The following KLRF2 variants were observed in gnomAD, a reference collection of about 807,000 sequenced individuals.
The protein encoded by KLRF2 is killer cell lectin-like receptor subfamily F member 2.
KLRF2 carries 28 observed loss-of-function variants against 25.3 expected under a neutral mutation model. The observed-to-expected ratio is 1.11, with a 90% CI of 0.82 to 1.52. The LOEUF is 1.52. Ranked by LOEUF, KLRF2 falls within the 40% of genes most tolerant of loss-of-function variation. The pLI is 0.00. For synonymous variants in KLRF2, 73 were observed against 85.0 expected (o/e 0.86, Z 0.78); for missense variants, 265 against 245.8 (o/e 1.08, Z -0.52).
At chr12:9,891,602 A>T (rs774877430) in intron 3 of KLRF2, among the ~76,000 whole-genome samples, 1 of 152,222 alleles carries the variant, frequency 6.6e-6, no homozygotes, top group South Asian at 2.1e-4. Context: ...AGGTCATTTT[A>T]TACCTTTTAG....
chr12:9,883,494 G>A (rs1382316442), intron 1 of KLRF2, among the ~76,000 whole-genome samples: 1 of 152,080 alleles, frequency 6.6e-6, no homozygotes, highest in East Asian at 1.9e-4. Flanking sequence ...TTGGTCTATT[G>A]TTCAGTTTTT....
rs1017255057 is a variant in KLRF2 at position 9,889,339 on chromosome 12, A to G, written c.217+559A>G. Among the ~76,000 whole-genome samples, 4 of 152,322 alleles carry G rather than the reference A, an allele frequency of 2.6e-5. No individual in the cohort carries two copies. The South Asian group carries it at 8.3e-4, about 32-fold the overall frequency. ...ATACCTAGGCAGTTTGTCAAATACCAGTCTAGATGTCACTGGGAAGATATT... is the reference window on the plus strand; with the variant it reads ...ATACCTAGGCAGTTTGTCAAATACCGGTCTAGATGTCACTGGGAAGATATT... On this transcript the variant is annotated intron_variant, in intron 3 of 5. Coordinates refer to ENST00000535540, the MANE Select transcript of KLRF2 (RefSeq NM_001190765.1).
At position 9,893,123 on chromosome 12, in the gene KLRF2, A is replaced by G. The variant is rs1039390321; in HGVS notation, c.321A>G (p.Thr107=). Residue 107 remains threonine (T), a synonymous_variant, in exon 4 of 6, where the codon ACA becomes ACG. Coordinates refer to ENST00000535540, the MANE Select transcript of KLRF2 (RefSeq NM_001190765.1). ...KTWKESQRDC[T]QLQAHLLVIQ... ...GGAAAGAGAGTCAACGTGATTGTAC[A>G]CAGCTACAGGCACATTTACTGGTGA... is the stretch of plus-strand genomic sequence containing the variant. The G allele has an allele frequency of 2.0e-6, 3 of 1,535,626 alleles. No homozygotes were observed. The African/African-American group carries it at 4.1e-5, about 21-fold the overall frequency.
At chr12:9,893,224 T>A in intron 4 of KLRF2, 56 bp downstream of exon 4, 1 of 1,465,588 alleles carries the variant, frequency 6.8e-7, no homozygotes. Flanking sequence ...TAGGTGCAAG[T>A]TCACTGCCTA....
At chr12:9,892,047 C>A (rs942770493) in intron 3 of KLRF2, among the ~76,000 whole-genome samples, 4 of 152,154 alleles carry the variant, frequency 2.6e-5, no homozygotes, top group Non-Finnish European at 5.9e-5. Context: ...ACCTTCCAAT[C>A]AGGTGGAGGA....
intron 2 of KLRF2, among the ~76,000 whole-genome samples, chr12:9,886,182 T>C (rs1205575851): frequency 6.6e-6 from 1 of 152,326 alleles, no homozygotes; most frequent in East Asian, 1.9e-4. Context: ...AGCCATATTT[T>C]TTATTCTAAT....
chr12:9,890,965 GA>G (rs1862669799), intron 3 of KLRF2, among the ~76,000 whole-genome samples: 1 of 151,346 alleles, frequency 6.6e-6, no homozygotes, highest in Admixed American at 6.6e-5. Flanking sequence ...TGATTTCTTA[GA>G]ATTATAATCA....
intron 5 of KLRF2, among the ~76,000 whole-genome samples, chr12:9,894,025 T>C (rs1280102796): frequency 1.3e-5 from 2 of 152,014 alleles, no homozygotes; most frequent in Non-Finnish European, 2.9e-5. Context: ...TCTTTTTCTT[T>C]TCTTCTCTTT....
intron 2 of KLRF2, among the ~76,000 whole-genome samples, chr12:9,885,250 A>C (rs1249714824): frequency 6.6e-6 from 1 of 151,672 alleles, no homozygotes. Context: ...GGTTGACTTT[A>C]TTATCTTATA....
chr12:9,884,114 G>A (rs1246372649), intron 1 of KLRF2, among the ~76,000 whole-genome samples: 2 of 152,056 alleles, frequency 1.3e-5, no homozygotes, highest in African/African-American at 4.8e-5. Context: ...TGTGAAAAAA[G>A]TGTATACATC....
rs1343809358 is a variant in KLRF2 at position 9,893,046 on chromosome 12, T to C, written c.244T>C (p.Trp82Arg). 3.9e-6 allele frequency: 6 copies of C among 1,535,790 alleles called. No homozygotes were observed. In the Admixed American group the frequency reaches 7.8e-5, roughly 20 times the overall value. ...ACACAATTACTTGTGCCCAAATGACTGGCTGTTGAACGAAGGGAAATGTTA... is the reference window on the plus strand; with the variant it reads ...ACACAATTACTTGTGCCCAAATGACCGGCTGTTGAACGAAGGGAAATGTTA... ...SGHNYLCPND[W>R]LLNEGKCYWF... The change falls in exon 4 of 6, where the codon TGG becomes CGG. Residue 82 changes from tryptophan (W) to arginine (R), a missense_variant. Coordinates refer to ENST00000535540, the MANE Select transcript of KLRF2 (RefSeq NM_001190765.1).
intron 5 of KLRF2, 143 bp from the exon 6 acceptor site, chr12:9,895,546 T>C (rs2137006957): frequency 1.5e-6 from 1 of 666,556 alleles, no homozygotes; most frequent in Non-Finnish European, 2.4e-6. Flanking sequence ...GAGGCTGCAT[T>C]AGCAATGAAA....
At position 9,889,757 on chromosome 12, in the gene KLRF2, T is replaced by A. The variant is rs191553483; in HGVS notation, c.217+977T>A. Reference sequence around the variant, plus strand: ...GGAGAACTCCAATACGGTAATACAGTGTGGAGGCAGTATAGTGCAGTGGAT... The same window carrying A: ...GGAGAACTCCAATACGGTAATACAGAGTGGAGGCAGTATAGTGCAGTGGAT... On this transcript the variant is annotated intron_variant, in intron 3 of 5. Coordinates refer to ENST00000535540, the MANE Select transcript of KLRF2 (RefSeq NM_001190765.1). Among the ~76,000 whole-genome samples, 355 of 151,876 alleles carry A rather than the reference T, an allele frequency of 2.3e-3. 1 individual carries two copies. Among genetic ancestry groups the A allele is most frequent in the African/African-American group, 8.2e-3 (340 of 41,390 alleles).
intron 3 of KLRF2, 78 bp downstream of exon 3, chr12:9,888,858 C>T: frequency 1.2e-6 from 1 of 814,140 alleles, no homozygotes; most frequent in South Asian, 1.6e-5. Context: ...GGCGTTCACC[C>T]ATGTTACACA....
intron 2 of KLRF2, among the ~76,000 whole-genome samples, chr12:9,886,686 T>C (rs910862812): frequency 6.7e-6 from 1 of 148,670 alleles, no homozygotes; most frequent in Admixed American, 6.9e-5. Context: ...AAAGACTTTC[T>C]AAGCCATGCT....
At chr12:9,894,126 TTC>T (rs141327204) in intron 5 of KLRF2, among the ~76,000 whole-genome samples, 15,108 of 130,136 alleles carry the variant, frequency 0.12, 1,044 homozygotes, top group South Asian at 0.35. Context: ...TTTCTTTTCT[TTC>T]TCTCTCTCTC....
chr12:9,889,658 G>T (rs1434180625), intron 3 of KLRF2, among the ~76,000 whole-genome samples: 2 of 141,496 alleles, frequency 1.4e-5, no homozygotes, highest in African/African-American at 5.8e-5. Flanking sequence ...GTGTGTGTGT[G>T]TGTATATATA....
At chr12:9,892,663 C>T (rs1394000625) in intron 3 of KLRF2, among the ~76,000 whole-genome samples, 1 of 149,928 alleles carries the variant, frequency 6.7e-6, no homozygotes, top group Non-Finnish European at 1.5e-5. Context: ...CGGCTCACCG[C>T]AACCTCCACC....
At position 9,895,684 on chromosome 12, in the gene KLRF2, C is replaced by T. The variant is rs1441781084; in HGVS notation, c.480-5C>T. On this transcript the variant is annotated splice_region_variant and splice_polypyrimidine_tract_variant and intron_variant, in intron 5 of 5. Transcript: ENST00000535540. ...ATGCTGAAAAATCTGTCCTTTGTCT[C>T]TTAGGTTTTCAGTGATTGGACCAAC... The T allele has an allele frequency of 6.6e-7, 1 of 1,521,002 alleles. No homozygotes were observed. The highest frequency in any genetic ancestry group is 2.5e-5 in the East Asian group (1 of 40,298). 94.2% of individuals were successfully genotyped at this position (1,521,002 alleles called of 1,614,324 possible). A position where few individuals can be genotyped will look rare whatever the true frequency, so the allele number is the denominator to read the frequency against.
Sources: gnomAD v4.1 joint callset for allele counts (sites outside exome capture counted in the v4.1 genomes callset) on GRCh38, gnomAD v4.1.1 for gene constraint, MANE v1.5 for transcripts, NCBI Gene and HGNC (gene_info 2026-07-23, HGNC 2026-07-21) for gene names.